Variants in IGF1R observed in about 807,000 individuals in gnomAD.
IGF1R encodes the protein insulin like growth factor 1 receptor.
Under a neutral mutation model 144.6 loss-of-function variants are expected in IGF1R, and 44 were observed. That is an observed-to-expected ratio of 0.30 (90% confidence interval 0.24 to 0.39). The LOEUF (loss-of-function observed/expected upper bound fraction) is 0.39. Among genes scored for constraint, IGF1R ranks in the 10% least tolerant of loss-of-function variants. The probability of loss-of-function intolerance (pLI) is 1.00; values close to 1 mark genes in which losing one functional copy is unlikely to be tolerated. For missense variants in IGF1R, 1,355 were observed against 1,833.7 expected (o/e 0.74, Z 4.77); for synonymous variants, 795 against 722.8 (o/e 1.10, Z -1.60).
rs576777173 is a variant in IGF1R at position 98,844,106 on chromosome 15, C to T, written c.641-47219C>T. Among the ~76,000 whole-genome samples, 172 of 152,200 alleles carry T rather than the reference C, an allele frequency of 1.1e-3. No homozygotes were observed. The Middle Eastern group carries it at 0.027, about 24-fold the overall frequency. ...ATCTATTTGTTCATGTTAGATAAGT[C>T]TGGGCGGCAGTGGAATGTAAAATAG... On this transcript the variant is annotated intron_variant, in intron 2 of 20. Transcript: ENST00000650285.
At chr15:98,807,761 G>A (rs541162373) in intron 2 of IGF1R, among the ~76,000 whole-genome samples, 74 of 152,348 alleles carry the variant, frequency 4.9e-4, no homozygotes, top group African/African-American at 1.7e-3. Context: ...TCATAGCTTT[G>A]TTGTCATTAG....
intron 2 of IGF1R, chr15:98,880,680 T>C (rs2013326306): frequency 6.6e-6 from 1 of 152,244 alleles, no homozygotes; most frequent in Non-Finnish European, 1.5e-5. Context: ...TGACATAGCC[T>C]ATAAGACATC....
At chr15:98,729,885 A>G in intron 2 of IGF1R, among the ~76,000 whole-genome samples, 1 of 152,244 alleles carries the variant, frequency 6.6e-6, no homozygotes, top group South Asian at 2.1e-4. Context: ...TTTGCCCTGC[A>G]TAACCCTTGG....
At chr15:98,850,218 G>A (rs566793794) in intron 2 of IGF1R, among the ~76,000 whole-genome samples, 3 of 152,362 alleles carry the variant, frequency 2.0e-5, no homozygotes, top group Admixed American at 6.5e-5. Context: ...ATGAAGGTCT[G>A]TGTGATAGTA....
intron 20 of IGF1R, among the ~76,000 whole-genome samples, chr15:98,956,420 G>A (rs2016986868): frequency 6.6e-6 from 1 of 152,226 alleles, no homozygotes; most frequent in Admixed American, 6.5e-5. Flanking sequence ...CATCGGCTGG[G>A]GCTTGCTTGT....
intron 1 of IGF1R, among the ~76,000 whole-genome samples, chr15:98,700,447 G>C (rs897552493): frequency 6.6e-6 from 1 of 152,118 alleles, no homozygotes; most frequent in East Asian, 1.9e-4. Flanking sequence ...TCTTTCCTAG[G>C]GCAGTGGGTC....
chr15:98,787,078 T>A (rs2056015932), intron 2 of IGF1R, among the ~76,000 whole-genome samples: 1 of 152,178 alleles, frequency 6.6e-6, no homozygotes, highest in African/African-American at 2.4e-5. Flanking sequence ...TCGTAATTGG[T>A]CATGAGACTT....
intron 2 of IGF1R, among the ~76,000 whole-genome samples, chr15:98,817,112 G>C (rs915047595): frequency 6.6e-6 from 1 of 152,052 alleles, no homozygotes; most frequent in Non-Finnish European, 1.5e-5. Flanking sequence ...AGAACAGCCT[G>C]GCCAACATGG....
chr15:98,665,011 G>T (rs1312962857), intron 1 of IGF1R, among the ~76,000 whole-genome samples: 2 of 146,450 alleles, frequency 1.4e-5, no homozygotes, highest in African/African-American at 5.1e-5. Context: ...AGGCTGGAGT[G>T]TGGTGGCGCA....
intron 2 of IGF1R, among the ~76,000 whole-genome samples, chr15:98,819,302 AC>A (rs1218172508): frequency 2.6e-5 from 4 of 151,496 alleles, no homozygotes; most frequent in Admixed American, 2.0e-4. Context: ...AAAATGGAAA[AC>A]CCTGCCACTG....
chr15:98,821,193 C>T (rs118076716), intron 2 of IGF1R, among the ~76,000 whole-genome samples: 2,381 of 152,198 alleles, frequency 0.016, 26 homozygotes, highest in South Asian at 0.035. Flanking sequence ...TGGTGTGAGA[C>T]GCGCTACATT....
rs751608842 is a variant in IGF1R at position 98,828,599 on chromosome 15, C to T, written c.641-62726C>T. 1.2e-4 allele frequency among the ~76,000 whole-genome samples: 19 copies of T among 152,248 alleles called. No homozygotes were observed. In the South Asian group the frequency reaches 2.3e-3, roughly 18 times the overall value. Reference sequence around the variant, plus strand: ...TTTCAAAACCCCTCTCATCACGTTCCCACTGACCTTCAGTTCCAGTGCTGT... The same window carrying T: ...TTTCAAAACCCCTCTCATCACGTTCTCACTGACCTTCAGTTCCAGTGCTGT... On this transcript the variant is annotated intron_variant, in intron 2 of 20. Transcript: ENST00000650285.
chr15:98,821,291 C>A (rs570952830), intron 2 of IGF1R, among the ~76,000 whole-genome samples: 10 of 151,580 alleles, frequency 6.6e-5, no homozygotes, highest in East Asian at 3.9e-4. Context: ...CCTCCCCCCC[C>A]CCTTTTTAAA....
chr15:98,662,002 G>T (rs2052613045), intron 1 of IGF1R, among the ~76,000 whole-genome samples: 1 of 121,852 alleles, frequency 8.2e-6, no homozygotes, highest in Non-Finnish European at 1.6e-5. Context: ...TTGCTCTGTT[G>T]CCCAGGCTGG....
chr15:98,933,224 C>T (rs2016011879), intron 15 of IGF1R, among the ~76,000 whole-genome samples: 1 of 152,210 alleles, frequency 6.6e-6, no homozygotes, highest in Admixed American at 6.5e-5. Context: ...TTCGTTTTTA[C>T]CCTACCCATT....
rs375837114 is a variant in IGF1R at position 98,904,712 on chromosome 15, A to G, written c.1248-3973A>G. ...AGGCAATTTTCTCCTCGAAGGAAGG[A>G]ACTGGAATGATTGGTTGTATAATTG... On this transcript the variant is annotated intron_variant, in intron 5 of 20. Coordinates refer to ENST00000650285, the MANE Select transcript of IGF1R (RefSeq NM_000875.5). Among the ~76,000 whole-genome samples the G allele has an allele frequency of 1.2e-4, 18 of 152,320 alleles. No homozygotes were observed. The East Asian group carries it at 2.5e-3, about 21-fold the overall frequency.
chr15:98,763,649 C>T (rs946163894), intron 2 of IGF1R, among the ~76,000 whole-genome samples: 2 of 152,062 alleles, frequency 1.3e-5, no homozygotes, highest in Non-Finnish European at 2.9e-5. Context: ...TTGATCTCAT[C>T]CAGGTTGTAA....
chr15:98,844,450 T>C (rs2011239098), intron 2 of IGF1R, among the ~76,000 whole-genome samples: 1 of 152,130 alleles, frequency 6.6e-6, no homozygotes. Context: ...AAAAAACTAT[T>C]TACGGTTTGG....
intron 2 of IGF1R, among the ~76,000 whole-genome samples, chr15:98,849,636 A>G (rs925354083): frequency 9.2e-5 from 14 of 152,250 alleles, no homozygotes; most frequent in African/African-American, 3.4e-4. Flanking sequence ...AACTGAGAAA[A>G]ATATCTGAAA....
Sources: allele counts gnomAD v4.1 joint callset (sites outside exome capture counted in the v4.1 genomes callset), GRCh38; gene constraint gnomAD v4.1.1; transcripts MANE v1.5; gene names NCBI Gene and HGNC (gene_info 2026-07-23, HGNC 2026-07-21).